Variants in ZNF654 observed in about 807,000 individuals in gnomAD.
ZNF654 encodes the protein melanoma-associated antigen.
In ZNF654, 19 loss-of-function variants were observed where a neutral mutation model predicts 95.3. The ratio of observed to expected loss-of-function variants is 0.20; its 90% CI spans 0.14 to 0.29. ZNF654 has a LOEUF of 0.29. Among genes scored for constraint, ZNF654 ranks in the 10% least tolerant of loss-of-function variants. ZNF654 has a pLI of 1.00. For missense variants in ZNF654, 1,046 were observed against 1,341.0 expected (o/e 0.78, Z 3.44); for synonymous variants, 413 against 457.9 (o/e 0.90, Z 1.25).
chr3:88,100,003 A>G (rs1489825757), intron 2 of ZNF654, among the ~76,000 whole-genome samples: 1 of 152,258 alleles, frequency 6.6e-6, no homozygotes, highest in Non-Finnish European at 1.5e-5. Context: ...GAGCTTCTGC[A>G]CAGCAAAAGA....
At chr3:88,112,128 ATT>A (rs1705128783) in intron 2 of ZNF654, among the ~76,000 whole-genome samples, 1 of 151,904 alleles carries the variant, frequency 6.6e-6, no homozygotes, top group African/African-American at 2.4e-5. Context: ...TAGTAGTCAA[ATT>A]TATAAAAACG....
chr3:88,138,631 T>C (rs1251937207), intron 7 of ZNF654, 74 bp from the exon 8 acceptor site: 1 of 910,048 alleles, frequency 1.1e-6, no homozygotes, highest in African/African-American at 1.7e-5. Flanking sequence ...AAGAGTTGTG[T>C]TTTTTAAAGA....
intron 6 of ZNF654, among the ~76,000 whole-genome samples, chr3:88,131,229 AAAG>A (rs1706441503): frequency 6.6e-6 from 1 of 152,202 alleles, no homozygotes; most frequent in Admixed American, 6.5e-5. Flanking sequence ...AAATATAGAA[AAAG>A]TACAGTAAAA....
chr3:88,088,974 T>C (rs967018316), intron 2 of ZNF654, among the ~76,000 whole-genome samples: 1 of 151,856 alleles, frequency 6.6e-6, no homozygotes, highest in African/African-American at 2.4e-5. Flanking sequence ...GATTTCACCA[T>C]GTTGGCCAGG....
intron 1 of ZNF654, among the ~76,000 whole-genome samples, chr3:88,080,818 A>C (rs1383879126): frequency 6.6e-6 from 1 of 152,210 alleles, no homozygotes; most frequent in Non-Finnish European, 1.5e-5. Context: ...GAACAGACAG[A>C]TTTGTTTTTA....
rs1176795363 is a variant in ZNF654 at position 88,139,603 on chromosome 3, C to T, written c.1934C>T (p.Ala645Val). 4.3e-6 allele frequency: 7 copies of T among 1,613,682 alleles called. No homozygotes were observed. Among genetic ancestry groups the T allele is most frequent in the Non-Finnish European group, 5.9e-6 (7 of 1,179,752 alleles). ...SKDLEVETLT[A>V]SSEGNKEVIP... ...GATTTGGAAGTGGAGACACTTACTGCTTCTAGTGAAGGAAACAAAGAAGTC... is the reference window on the plus strand; with the variant it reads ...GATTTGGAAGTGGAGACACTTACTGTTTCTAGTGAAGGAAACAAAGAAGTC... The change falls in exon 8 of 9, where the codon GCT becomes GTT. Residue 645 changes from alanine to valine, a missense_variant. Around this residue, in one of 9 missense-constraint regions of ZNF654, gnomAD observed 495 missense variants for 537.0 expected, o/e 0.92. Transcript: ENST00000636215.
At position 88,143,164 on chromosome 3, in the gene ZNF654, T is replaced by C. The variant is rs1707207996; in HGVS notation, c.*1512T>C. On this transcript the variant is annotated 3_prime_UTR_variant, in exon 9 of 9. Transcript: ENST00000636215. ...GAGGCTATTACGGAAGTGGGGAATT[T>C]CTTCCAGGTAGCATCCATATTTTAT... 1 of 152,284 alleles carries C rather than the reference T, an allele frequency of 6.6e-6. No homozygotes were observed. The highest frequency in any genetic ancestry group is 2.4e-5 in the African/African-American group (1 of 41,436). 9.4% of individuals were successfully genotyped at this position (152,284 alleles called of 1,614,324 possible). A position where few individuals can be genotyped will look rare whatever the true frequency, so the allele number is the denominator to read the frequency against.
intron 3 of ZNF654, among the ~76,000 whole-genome samples, 185 bp from the exon 4 acceptor site, chr3:88,125,949 T>C (rs914784620): frequency 2.0e-5 from 3 of 152,214 alleles, no homozygotes; most frequent in Non-Finnish European, 4.4e-5. Flanking sequence ...GTATAACCTT[T>C]GGCATTAAAG....
chr3:88,084,722 G>A (rs916742210), intron 1 of ZNF654, among the ~76,000 whole-genome samples: 1 of 152,146 alleles, frequency 6.6e-6, no homozygotes. Context: ...GCAATTACAC[G>A]AAACTCTTGA....
At chr3:88,085,924 C>T (rs1337922644) in intron 1 of ZNF654, among the ~76,000 whole-genome samples, 2 of 152,072 alleles carry the variant, frequency 1.3e-5, no homozygotes, top group Non-Finnish European at 2.9e-5. Flanking sequence ...CTATATTCTA[C>T]TCTCCAGCTA....
chr3:88,116,559 T>C (rs200885983), intron 3 of ZNF654, among the ~76,000 whole-genome samples: 7,017 of 146,620 alleles, frequency 0.048, 224 homozygotes, highest in Non-Finnish European at 0.071. Context: ...CATACATATA[T>C]ATACACACAC....
intron 2 of ZNF654, among the ~76,000 whole-genome samples, chr3:88,088,849 T>G (rs1002957540): frequency 6.6e-6 from 1 of 151,928 alleles, no homozygotes; most frequent in Non-Finnish European, 1.5e-5. Context: ...CTCGGCTCAC[T>G]GCAACCTACA....
intron 2 of ZNF654, among the ~76,000 whole-genome samples, chr3:88,098,856 A>G (rs1280962443): frequency 6.6e-6 from 1 of 152,232 alleles, no homozygotes; most frequent in Non-Finnish European, 1.5e-5. Context: ...AGAGCTATCT[A>G]TGACAAACCC....
chr3:88,101,592 A>G (rs1348353316), intron 2 of ZNF654, among the ~76,000 whole-genome samples: 2 of 152,142 alleles, frequency 1.3e-5, no homozygotes, highest in African/African-American at 4.8e-5. Flanking sequence ...TGCATTCAGC[A>G]ATTGATGGCT....
chr3:88,113,561 T>A (rs562435149), intron 3 of ZNF654, among the ~76,000 whole-genome samples: 1 of 152,254 alleles, frequency 6.6e-6, no homozygotes, highest in East Asian at 1.9e-4. Context: ...TTCTCTCTCA[T>A]AATAGCTTTC....
chr3:88,092,412 A>C (rs1362224011), intron 2 of ZNF654, among the ~76,000 whole-genome samples: 1 of 152,156 alleles, frequency 6.6e-6, no homozygotes, highest in African/African-American at 2.4e-5. Context: ...TTAGGAGAGA[A>C]TTACAGAATG....
chr3:88,073,311 A>T (rs1472819611), intron 1 of ZNF654, among the ~76,000 whole-genome samples: 1 of 152,230 alleles, frequency 6.6e-6, no homozygotes, highest in Non-Finnish European at 1.5e-5. Flanking sequence ...AACTCAAAAA[A>T]GAATTGGTAG....
chr3:88,139,799 T>C lies in ZNF654; in HGVS notation c.2130T>C (p.Tyr710=), dbSNP rs1559737083. ...YEEEEDEEGD[Y]EEDDYDLNQE... is the part of the protein sequence containing the mutation. ...AGGAAGAGGATGAAGAAGGTGATTA[T>C]GAAGAAGATGATTATGACCTGAATC... Residue 710 remains tyrosine (Y), a synonymous_variant, in exon 8 of 9, where the codon TAT becomes TAC. Coordinates refer to ENST00000636215, the MANE Select transcript of ZNF654 (RefSeq NM_001350134.2). 6.4e-7 allele frequency: 1 copy of C among 1,556,734 alleles called. No homozygotes were observed. Among genetic ancestry groups the C allele is most frequent in the East Asian group, 2.4e-5 (1 of 41,436 alleles).
intron 1 of ZNF654, among the ~76,000 whole-genome samples, chr3:88,070,558 T>G (rs1707448947): frequency 8.3e-6 from 1 of 120,294 alleles, no homozygotes; most frequent in African/African-American, 3.0e-5. Context: ...AAGGCAACAC[T>G]GCCTGTTTTT....
Sources: gnomAD v4.1 joint callset for allele counts (sites outside exome capture counted in the v4.1 genomes callset) on GRCh38, gnomAD v4.1.1 for gene constraint, gnomAD v4.1.1 regional missense constraint, MANE v1.5 for transcripts, NCBI Gene and HGNC (gene_info 2026-07-23, HGNC 2026-07-21) for gene names.